Variants in NCAM1 observed in about 807,000 individuals in gnomAD.
NCAM1 encodes the protein antigen recognized by monoclonal antibody 5.1H11.
A neutral mutation model predicts 109.8 loss-of-function variants in NCAM1; 14 were observed. The ratio of observed to expected loss-of-function variants is 0.13; its 90% CI spans 0.08 to 0.20. NCAM1 has a LOEUF of 0.20. Among genes scored for constraint, NCAM1 ranks in the 10% least tolerant of loss-of-function variants. The pLI, the probability that NCAM1 is intolerant of heterozygous loss-of-function variation, is 1.00. For missense variants in NCAM1, 774 were observed against 1,109.9 expected (o/e 0.70, Z 4.30); for synonymous variants, 418 against 442.9 (o/e 0.94, Z 0.70).
chr11:113,176,000 A>C (rs1253108329), intron 1 of NCAM1, among the ~76,000 whole-genome samples: 1 of 152,202 alleles, frequency 6.6e-6, no homozygotes, highest in Non-Finnish European at 1.5e-5. Flanking sequence ...ATATGTATAC[A>C]TATTATATAT....
rs542163670 is a variant in NCAM1 at position 113,011,686 on chromosome 11, C to T, written c.52+50022C>T. On this transcript the variant is annotated intron_variant, in intron 1 of 19. Coordinates refer to ENST00000316851, the MANE Select transcript of NCAM1 (RefSeq NM_181351.5). ...AAATAGAGAGATGGTAGCAGTGGTA[C>T]CTTGTGTAGCATAAGCAACCATAAA... Among the ~76,000 whole-genome samples, 3 of 152,254 alleles carry T rather than the reference C, an allele frequency of 2.0e-5. No homozygotes were observed. The South Asian group carries it at 6.2e-4, about 32-fold the overall frequency.
At chr11:113,196,910 T>C (rs1555110906) in intron 1 of NCAM1, among the ~76,000 whole-genome samples, 1 of 152,214 alleles carries the variant, frequency 6.6e-6, no homozygotes. Flanking sequence ...TGCCTGAGAC[T>C]GGGTAATTTA....
At chr11:113,199,916 C>G (rs1379113678) in intron 1 of NCAM1, among the ~76,000 whole-genome samples, 3 of 150,502 alleles carry the variant, frequency 2.0e-5, no homozygotes, top group African/African-American at 7.4e-5. Context: ...AGCCTTGTTT[C>G]CCTTTTCTCT....
chr11:113,086,775 T>C (rs1483014366), intron 1 of NCAM1, among the ~76,000 whole-genome samples: 1 of 152,158 alleles, frequency 6.6e-6, no homozygotes, highest in Admixed American at 6.5e-5. Context: ...TTAGACAAAT[T>C]TCCAGCTTCT....
chr11:113,216,974 G>A (rs1346785031), intron 8 of NCAM1, among the ~76,000 whole-genome samples: 8 of 152,090 alleles, frequency 5.3e-5, no homozygotes, highest in Admixed American at 5.2e-4. Context: ...TATATAATTA[G>A]GAATCAAGAT....
In NCAM1 at chr11:113,275,643, A is replaced by G. The variant is rs1555126435; in HGVS notation, c.*256A>G. 5.3e-6 allele frequency: 2 copies of G among 379,062 alleles called. No individual in the cohort carries two copies. The highest frequency in any genetic ancestry group is 5.0e-5 in the East Asian group (1 of 19,844). 23.5% of individuals were successfully genotyped at this position (379,062 alleles called of 1,614,324 possible). A position where few individuals can be genotyped will look rare whatever the true frequency, so the allele number is the denominator to read the frequency against. ...TGTAAGAAAATGAGACAAAAAGGTT[A>G]AACCCACAGCCAAACTAGGACACTC... On this transcript the variant is annotated 3_prime_UTR_variant, in exon 20 of 20. Transcript: ENST00000316851.
At chr11:113,035,442 G>A (rs782708292) in intron 1 of NCAM1, among the ~76,000 whole-genome samples, 4 of 152,134 alleles carry the variant, frequency 2.6e-5, no homozygotes, top group Non-Finnish European at 4.4e-5. Flanking sequence ...AGGCATTCTC[G>A]TACTATATTG....
intron 1 of NCAM1, among the ~76,000 whole-genome samples, chr11:113,065,111 T>C (rs546067046): frequency 1.7e-4 from 26 of 152,200 alleles, no homozygotes; most frequent in Middle Eastern, 3.4e-3. Context: ...AAATCCACAA[T>C]GGGTGGAGTC....
chr11:113,113,685 C>G (rs1288513718), intron 1 of NCAM1, among the ~76,000 whole-genome samples: 1 of 152,108 alleles, frequency 6.6e-6, no homozygotes, highest in African/African-American at 2.4e-5. Context: ...TTCAGCATCC[C>G]TGGAAGGATA....
chr11:113,270,301 T>C lies in NCAM1; in HGVS notation c.2245T>C (p.Cys749Arg). The change falls in exon 18 of 20, where the codon TGT (cysteine) becomes CGT (arginine). Residue 749 changes from cysteine (C) to arginine (R), a missense_variant. Around this residue, in one of 4 missense-constraint regions of NCAM1, gnomAD observed 523 missense variants for 784.2 expected, o/e 0.67. Transcript: ENST00000316851. ...CATCACCTGCTACTTCCTGAACAAGTGTGGCCTGTTCATGTGCATTGCGGT... is the reference window on the plus strand; with the variant it reads ...CATCACCTGCTACTTCCTGAACAAGCGTGGCCTGTTCATGTGCATTGCGGT... ...VDITCYFLNKCGLFMCIAVNL... is the reference protein window; with the variant it reads ...VDITCYFLNKRGLFMCIAVNL... 6.2e-7 allele frequency: 1 copy of C among 1,614,008 alleles called. No individual in the cohort carries two copies.
intron 14 of NCAM1, chr11:113,240,816 CA>C (rs1945300263): frequency 1.2e-6 from 2 of 1,613,678 alleles, no homozygotes; most frequent in Non-Finnish European, 1.7e-6. Context: ...ACCCCTGTTC[CA>C]TTGTCTCCAC....
chr11:113,116,138 C>T (rs1315088763), intron 1 of NCAM1, among the ~76,000 whole-genome samples: 1 of 152,178 alleles, frequency 6.6e-6, no homozygotes, highest in African/African-American at 2.4e-5. Context: ...ATCTGATCAC[C>T]TCCTTCGCCT....
At chr11:112,980,378 T>C (rs1380037397) in intron 1 of NCAM1, among the ~76,000 whole-genome samples, 1 of 151,846 alleles carries the variant, frequency 6.6e-6, no homozygotes, top group Non-Finnish European at 1.5e-5. Flanking sequence ...TACACTAATG[T>C]TCATGGAACA....
intron 1 of NCAM1, among the ~76,000 whole-genome samples, chr11:113,018,345 G>T (rs781881292): frequency 3.0e-4 from 46 of 151,840 alleles, no homozygotes; most frequent in Non-Finnish European, 5.3e-4. Flanking sequence ...AAGAAGTGGG[G>T]AATGAAAAGG....
At chr11:113,102,043 A>G (rs1162035724) in intron 1 of NCAM1, among the ~76,000 whole-genome samples, 1 of 152,248 alleles carries the variant, frequency 6.6e-6, no homozygotes, top group East Asian at 1.9e-4. Flanking sequence ...CCTGATTAAC[A>G]AAATGAAAGA....
At chr11:113,256,390 T>G (rs2137587945) in intron 16 of NCAM1, among the ~76,000 whole-genome samples, 1 of 152,356 alleles carries the variant, frequency 6.6e-6, no homozygotes, top group African/African-American at 2.4e-5. Context: ...CACCTCACTG[T>G]GATCACATGC....
In NCAM1 at chr11:113,047,398, A is replaced by G. The variant is rs1953307714; in HGVS notation, c.52+85734A>G. On this transcript the variant is annotated intron_variant, in intron 1 of 19. Coordinates refer to ENST00000316851, the MANE Select transcript of NCAM1 (RefSeq NM_181351.5). ...GCAATACTGTAAAAATATTTGAAATATTAATAAAGTCTTAGGCTCAACCCA... is the reference window on the plus strand; with the variant it reads ...GCAATACTGTAAAAATATTTGAAATGTTAATAAAGTCTTAGGCTCAACCCA... Among the ~76,000 whole-genome samples the G allele has an allele frequency of 2.6e-5, 4 of 152,236 alleles. 1 individual carries two copies. Among genetic ancestry groups the G allele is most frequent in the Admixed American group, 1.3e-4 (2 of 15,282 alleles).
chr11:113,154,377 C>T (rs1165582249), intron 1 of NCAM1, among the ~76,000 whole-genome samples: 1 of 152,068 alleles, frequency 6.6e-6, no homozygotes, highest in Non-Finnish European at 1.5e-5. Flanking sequence ...TGTCGACATG[C>T]TGAGGGACAG....
At chr11:113,230,752 A>G (rs1188908906) in intron 9 of NCAM1, among the ~76,000 whole-genome samples, 1 of 152,202 alleles carries the variant, frequency 6.6e-6, no homozygotes, top group African/African-American at 2.4e-5. Context: ...TCTCCAGATC[A>G]CTAACTTTCT....
Sources: allele counts gnomAD v4.1 joint callset (sites outside exome capture counted in the v4.1 genomes callset), GRCh38; gene constraint gnomAD v4.1.1; regional missense constraint gnomAD v4.1.1; transcripts MANE v1.5; gene names NCBI Gene and HGNC (gene_info 2026-07-23, HGNC 2026-07-21).